The following PLCE1 variants were observed in gnomAD, a reference collection of about 807,000 sequenced individuals.
The protein encoded by PLCE1 is phospholipase C epsilon 1.
Under a neutral mutation model 242.8 loss-of-function variants are expected in PLCE1, and 119 were observed. The observed-to-expected ratio is 0.49, with a 90% CI of 0.42 to 0.57. The LOEUF (loss-of-function observed/expected upper bound fraction) is 0.57, where lower values mean the gene tolerates loss of function less well. Ranked by LOEUF, PLCE1 falls within the 20% of genes least tolerant of loss-of-function variation. The pLI, the probability that PLCE1 is intolerant of heterozygous loss-of-function variation, is 0.00. For missense variants in PLCE1, 2,441 were observed against 2,788.8 expected (o/e 0.88, Z 2.81); for synonymous variants, 945 against 1,017.4 (o/e 0.93, Z 1.35).
chr10:94,187,052 TA>T (rs1214652237), intron 4 of PLCE1, among the ~76,000 whole-genome samples: 6 of 151,826 alleles, frequency 4.0e-5, no homozygotes, highest in Admixed American at 2.0e-4. Context: ...GACATGGGGC[TA>T]AAAAAATGAT....
At position 94,308,708 on chromosome 10, in the gene PLCE1, G is replaced by A; in HGVS notation, c.6003+9G>A. 1 of 1,540,610 alleles carries A rather than the reference G, an allele frequency of 6.5e-7. No homozygotes were observed. Among genetic ancestry groups the A allele is most frequent in the Non-Finnish European group, 9.0e-7 (1 of 1,113,034 alleles). On this transcript the variant is annotated intron_variant, in intron 27 of 32. Coordinates refer to ENST00000371380, the MANE Select transcript of PLCE1 (RefSeq NM_016341.4). ...CCATGTCAGCCTCTTCGGTAATGAA[G>A]TTCTGTTTCACTCAACATATTTATG... is the stretch of plus-strand genomic sequence containing the variant.
chr10:94,097,567 G>A (rs917243892), intron 2 of PLCE1, among the ~76,000 whole-genome samples: 1 of 152,164 alleles, frequency 6.6e-6, no homozygotes, highest in African/African-American at 2.4e-5. Context: ...GATTAAGGAA[G>A]GTATCCAGTG....
At chr10:94,013,201 G>A (rs961472063) in intron 1 of PLCE1, among the ~76,000 whole-genome samples, 10 of 152,320 alleles carry the variant, frequency 6.6e-5, no homozygotes, top group African/African-American at 2.4e-4. Context: ...AACTCTCTGA[G>A]AGGCCTCACC....
intron 4 of PLCE1, among the ~76,000 whole-genome samples, chr10:94,213,047 G>A (rs1464513958): frequency 2.0e-5 from 3 of 152,192 alleles, no homozygotes; most frequent in Admixed American, 6.5e-5. Flanking sequence ...TTGACTCCCC[G>A]AATTGAATTC....
chr10:94,015,910 T>C (rs1189690623), intron 1 of PLCE1, among the ~76,000 whole-genome samples: 2 of 152,214 alleles, frequency 1.3e-5, no homozygotes, highest in East Asian at 3.8e-4. Flanking sequence ...TAGAGTAGTT[T>C]TATGGACCAT....
intron 2 of PLCE1, among the ~76,000 whole-genome samples, chr10:94,070,338 C>G (rs1160312319): frequency 6.6e-6 from 1 of 152,134 alleles, no homozygotes; most frequent in Non-Finnish European, 1.5e-5. Context: ...TCCTTGCCCC[C>G]CAACAAGTAA....
At chr10:94,132,794 C>T (rs2135915959) in intron 3 of PLCE1, among the ~76,000 whole-genome samples, 2 of 152,036 alleles carry the variant, frequency 1.3e-5, no homozygotes, top group Middle Eastern at 6.8e-3. Flanking sequence ...ACTAAAAATA[C>T]AAAAAGTTAG....
intron 1 of PLCE1, among the ~76,000 whole-genome samples, chr10:94,011,795 G>C (rs142469526): frequency 6.6e-6 from 1 of 152,052 alleles, no homozygotes; most frequent in African/African-American, 2.4e-5. Context: ...TGGGATTGAG[G>C]CAGCTCCAGT....
At chr10:94,272,558 T>C (rs2051786561) in intron 18 of PLCE1, among the ~76,000 whole-genome samples, 1 of 152,118 alleles carries the variant, frequency 6.6e-6, no homozygotes, top group Non-Finnish European at 1.5e-5. Context: ...CTTACAAAGA[T>C]AACAGGATTA....
intron 2 of PLCE1, among the ~76,000 whole-genome samples, chr10:94,074,446 C>T (rs182473516): frequency 1.1e-3 from 169 of 152,260 alleles, no homozygotes; most frequent in Non-Finnish European, 1.8e-3. Flanking sequence ...CTCAAGCTAT[C>T]CTCCAAAGTG....
intron 4 of PLCE1, 100 bp from the exon 5 acceptor site, chr10:94,227,206 C>A: frequency 8.7e-7 from 1 of 1,155,094 alleles, no homozygotes; most frequent in Non-Finnish European, 1.3e-6. Flanking sequence ...TTTCCTAATA[C>A]CAAATTGATA....
chr10:94,152,290 TC>T (rs1376118507), intron 3 of PLCE1, among the ~76,000 whole-genome samples: 3 of 152,180 alleles, frequency 2.0e-5, no homozygotes, highest in African/African-American at 7.2e-5. Flanking sequence ...ATAAAACAGT[TC>T]CTATACGACC....
chr10:94,295,423 T>C (rs568884361), intron 23 of PLCE1, among the ~76,000 whole-genome samples: 1 of 152,318 alleles, frequency 6.6e-6, no homozygotes, highest in African/African-American at 2.4e-5. Flanking sequence ...TATCACGAAA[T>C]TGCAGGAATT....
At chr10:94,066,944 A>T (rs2044212833) in intron 2 of PLCE1, among the ~76,000 whole-genome samples, 1 of 152,140 alleles carries the variant, frequency 6.6e-6, no homozygotes, top group Admixed American at 6.5e-5. Context: ...TTCTGTCTCC[A>T]TATATGACTT....
Position 94,132,303 on chromosome 10 carries a change from G to A in PLCE1, c.1336G>A (p.Val446Ile). Residue 446 changes from valine (V) to isoleucine (I), a missense_variant, in exon 3 of 33, where the codon GTC (valine) becomes ATC (isoleucine). This residue lies in a region of PLCE1 where 733 missense variants were observed against 754.2 expected (regional missense o/e 0.97). Transcript: ENST00000371380. ...CGTTGGTCCATGCTTAAAGCAATGT[G>A]TCCGAGACACTGTATGTGAGTATCG... is the stretch of plus-strand genomic sequence containing the variant. ...ISVGPCLKQC[V>I]RDTVCEYRAT... The A allele has an allele frequency of 5.6e-6, 9 of 1,613,952 alleles. No homozygotes were observed. The highest frequency in any genetic ancestry group is 7.6e-6 in the Non-Finnish European group (9 of 1,179,982).
At chr10:94,060,068 T>C (rs1437756275) in intron 2 of PLCE1, among the ~76,000 whole-genome samples, 2 of 152,214 alleles carry the variant, frequency 1.3e-5, no homozygotes, top group African/African-American at 2.4e-5. Context: ...GACAGGTCTT[T>C]AACTTGCATG....
At chr10:94,106,912 T>TTCTCTCCCTCTCTCTCTC (rs2045757667) in intron 2 of PLCE1, among the ~76,000 whole-genome samples, 1 of 38,734 alleles carries the variant, frequency 2.6e-5, no homozygotes, top group Admixed American at 5.0e-4. Flanking sequence ...TGTCTCTTGT[T>TTCTCTCCCTCTCTCTCTC]TCTCTCTCTC....
At position 94,029,390 on chromosome 10, in the gene PLCE1, G is replaced by T. The variant is rs1277829664; in HGVS notation, c.-364-1293G>T. Reference sequence around the variant, plus strand: ...GTGTGCTTTGAATTTTTAAAAGCAGGTACAGAACAGAATGACCAACATTAT... The same window carrying T: ...GTGTGCTTTGAATTTTTAAAAGCAGTTACAGAACAGAATGACCAACATTAT... On this transcript the variant is annotated intron_variant, in intron 1 of 32. Transcript: ENST00000371380. Among the ~76,000 whole-genome samples, 4 of 152,092 alleles carry T rather than the reference G, an allele frequency of 2.6e-5. No homozygotes were observed. The East Asian group carries it at 7.7e-4, about 29-fold the overall frequency.
rs1392840622 is a variant in PLCE1 at position 94,306,651 on chromosome 10, T to C, written c.5847T>C (p.Thr1949=). The C allele has an allele frequency of 3.7e-6, 6 of 1,614,010 alleles. No homozygotes were observed. Among genetic ancestry groups the C allele is most frequent in the South Asian group, 1.1e-5 (1 of 91,090 alleles). ...AVVENNSSAV[T]AQRIIPLKAL... is the part of the protein sequence containing the mutation. The stretch of plus-strand genomic sequence containing the variant: ...TGGAAAACAATAGTTCAGCGGTAAC[T>C]GCTCAGAGAATCATTCCACTGAAAG... Residue 1949 remains threonine (T), a synonymous_variant, in exon 26 of 33, where the codon ACT becomes ACC. Coordinates refer to ENST00000371380, the MANE Select transcript of PLCE1 (RefSeq NM_016341.4). This position sits in a 1 kb window ranked among gnomAD's most constrained non-coding sequence, Gnocchi z 5.7.
Sources: gnomAD v4.1 joint callset for allele counts (sites outside exome capture counted in the v4.1 genomes callset) on GRCh38, gnomAD v4.1.1 for gene constraint, gnomAD v4.1.1 regional missense constraint, Gnocchi (gnomAD v3.1) non-coding constraint, MANE v1.5 for transcripts, NCBI Gene and HGNC (gene_info 2026-07-23, HGNC 2026-07-21) for gene names.